Variants in TRMT9B observed in about 807,000 individuals in gnomAD.
TRMT9B encodes the protein tRNA methyltransferase 9B (putative).
In TRMT9B, 16 loss-of-function variants were observed where a neutral mutation model predicts 11.5. The ratio of observed to expected loss-of-function variants is 1.39; its 90% CI spans 0.94 to 2.11. The LOEUF (loss-of-function observed/expected upper bound fraction) is 2.11. TRMT9B is among the 30% of genes most tolerant of loss of function. TRMT9B has a pLI of 0.00. For missense variants in TRMT9B, 941 were observed against 553.8 expected (o/e 1.70, Z -7.02); for synonymous variants, 274 against 192.4 (o/e 1.42, Z -3.51).
intron 1 of TRMT9B, among the ~76,000 whole-genome samples, chr8:12,989,258 T>C (rs992179377): frequency 6.6e-6 from 1 of 152,200 alleles, no homozygotes; most frequent in Non-Finnish European, 1.5e-5. Context: ...CTTTCAATAC[T>C]AAATATGACT....
In TRMT9B at chr8:13,012,870, G is replaced by T. The variant is rs1481948293; in HGVS notation, c.328+13G>T. ...ATCTCCATAGGAGGTAAGGCAGCCA[G>T]ATCACACATTCACCCTTTGCCATGA... On this transcript the variant is annotated intron_variant, in intron 4 of 4. Coordinates refer to ENST00000524591, the MANE Select transcript of TRMT9B (RefSeq NM_020844.3). The T allele has an allele frequency of 1.9e-6, 3 of 1,612,292 alleles. No homozygotes were observed. Among genetic ancestry groups the T allele is most frequent in the Non-Finnish European group, 2.5e-6 (3 of 1,179,256 alleles).
intron 3 of TRMT9B, among the ~76,000 whole-genome samples, chr8:13,008,597 C>T (rs1244632728): frequency 1.3e-5 from 2 of 152,168 alleles, no homozygotes; most frequent in Non-Finnish European, 2.9e-5. Flanking sequence ...ACTATATTGA[C>T]AGATAACTTT....
rs1327591192 is a variant in TRMT9B at position 13,021,094 on chromosome 8, A to T, written c.415A>T (p.Ile139Phe). 2 of 1,610,122 alleles carry T rather than the reference A, an allele frequency of 1.2e-6. No individual in the cohort carries two copies. Among genetic ancestry groups the T allele is most frequent in the Non-Finnish European group, 1.7e-6 (2 of 1,177,802 alleles). Residue 139 changes from isoleucine (I) to phenylalanine (F), a missense_variant, in exon 5 of 5, where the codon ATT becomes TTT. By Grantham distance (21) the Ile-to-Phe change is conservative. Coordinates refer to ENST00000524591, the MANE Select transcript of TRMT9B (RefSeq NM_020844.3). ...CTTAGTTCCCGGAGGCCAACTGATG[A>T]TTTACGTTTGGGCAATGGAACAAAA... ...RVLVPGGQLM[I>F]YVWAMEQKNR... is the part of the protein sequence containing the mutation.
chr8:13,002,687 G>A (rs538056351), intron 2 of TRMT9B, among the ~76,000 whole-genome samples: 2 of 152,262 alleles, frequency 1.3e-5, no homozygotes, highest in Admixed American at 6.5e-5. Context: ...TCATCATTCG[G>A]TGATACTTGT....
intron 1 of TRMT9B, chr8:12,951,536 C>T (rs762202995): frequency 2.0e-5 from 3 of 152,172 alleles, no homozygotes; most frequent in Admixed American, 1.3e-4. Context: ...GGCCCAGCCT[C>T]ACTTCCCGGG....
At chr8:12,961,348 A>G (rs1223739145) in intron 1 of TRMT9B, among the ~76,000 whole-genome samples, 1 of 152,168 alleles carries the variant, frequency 6.6e-6, no homozygotes, top group East Asian at 1.9e-4. Flanking sequence ...ATTTAAAAAA[A>G]TCATATTTTT....
chr8:12,957,895 C>T (rs577510494), intron 1 of TRMT9B, among the ~76,000 whole-genome samples: 7 of 152,254 alleles, frequency 4.6e-5, no homozygotes, highest in African/African-American at 7.2e-5. Flanking sequence ...ATCTCCAGAA[C>T]GTTTTTATCT....
chr8:12,955,951 G>A (rs567057276), intron 1 of TRMT9B, among the ~76,000 whole-genome samples: 1 of 152,264 alleles, frequency 6.6e-6, no homozygotes, highest in Non-Finnish European at 1.5e-5. Flanking sequence ...TGCACCTTTT[G>A]GGCTGTGTTC....
chr8:12,980,927 C>T (rs899381411), intron 1 of TRMT9B, among the ~76,000 whole-genome samples: 10 of 152,112 alleles, frequency 6.6e-5, no homozygotes, highest in African/African-American at 2.4e-4. Flanking sequence ...TATGCGAATT[C>T]TTTTTTGTTT....
chr8:13,019,294 A>G (rs1813371451), intron 4 of TRMT9B, among the ~76,000 whole-genome samples: 1 of 152,168 alleles, frequency 6.6e-6, no homozygotes, highest in South Asian at 2.1e-4. Flanking sequence ...GTGTGTATAT[A>G]TAGATACATA....
intron 1 of TRMT9B, among the ~76,000 whole-genome samples, chr8:12,946,935 G>C (rs74410306): frequency 1.3e-5 from 2 of 152,162 alleles, no homozygotes; most frequent in African/African-American, 4.8e-5. Flanking sequence ...CAGTTCCTTG[G>C]ATAAAGGCAG....
At chr8:13,001,775 G>A (rs1181308793) in intron 2 of TRMT9B, among the ~76,000 whole-genome samples, 2 of 152,074 alleles carry the variant, frequency 1.3e-5, no homozygotes, top group South Asian at 2.1e-4. Context: ...CTCAAAGGAG[G>A]GACACAATGT....
At chr8:12,973,796 A>T (rs1223105444) in intron 1 of TRMT9B, among the ~76,000 whole-genome samples, 2 of 152,188 alleles carry the variant, frequency 1.3e-5, no homozygotes, top group African/African-American at 4.8e-5. Context: ...ACACTTCATG[A>T]ATGAGAACAG....
In TRMT9B at chr8:13,021,163, A is replaced by T. The variant is rs551560712; in HGVS notation, c.484A>T (p.Arg162Trp). 9 of 1,613,982 alleles carry T rather than the reference A, an allele frequency of 5.6e-6. No individual in the cohort carries two copies. The highest frequency in any genetic ancestry group is 7.6e-6 in the Non-Finnish European group (9 of 1,179,850). ...GCAAGACGTGCTTGTTCCATGGAAC[A>T]GGGCTCTGTGTTCCCAGCTCTTCTC... ...EKQDVLVPWN[R>W]ALCSQLFSES... Residue 162 changes from arginine (R) to tryptophan (W), a missense_variant, in exon 5 of 5, where the codon AGG (arginine) becomes TGG (tryptophan). Coordinates refer to ENST00000524591, the MANE Select transcript of TRMT9B (RefSeq NM_020844.3).
chr8:13,022,835 T>C lies in TRMT9B; in HGVS notation c.*791T>C, dbSNP rs1285260971. ...AGCAAGACCCCATCTCTATAAAAAT[T>C]AGCAAGATGTGGTGGTGCATGCCTG... On this transcript the variant is annotated 3_prime_UTR_variant, in exon 5 of 5. Transcript: ENST00000524591. 1 of 165,212 alleles carries C rather than the reference T, an allele frequency of 6.1e-6. No individual in the cohort carries two copies. Among genetic ancestry groups the C allele is most frequent in the Non-Finnish European group, 1.5e-5 (1 of 68,034 alleles). The allele number at this position is 165,212 out of a possible 1,614,324, so 10.2% of individuals were successfully genotyped here.
intron 1 of TRMT9B, among the ~76,000 whole-genome samples, chr8:12,972,700 G>A (rs889086631): frequency 2.0e-5 from 3 of 152,240 alleles, no homozygotes; most frequent in Non-Finnish European, 4.4e-5. Context: ...GAGAGACAAT[G>A]GCTTGATAAC....
In TRMT9B at chr8:13,021,203, C is replaced by G. The variant is rs775444404; in HGVS notation, c.524C>G (p.Ser175Cys). Residue 175 changes from serine (S) to cysteine (C), a missense_variant, in exon 5 of 5, where the codon TCT (serine) becomes TGT (cysteine). Ser to Cys is a moderately radical substitution (Grantham distance 112, BLOSUM62 -1). Transcript: ENST00000524591. ...CSQLFSESSQ[S>C]GRKRQCGYPE... is the part of the protein sequence containing the mutation. ...CAGCTCTTCTCAGAGTCCAGCCAGT[C>G]TGGGAGGAAGAGGCAGTGTGGATAC... 2 of 1,613,798 alleles carry G rather than the reference C, an allele frequency of 1.2e-6. No individual in the cohort carries two copies. The highest frequency in any genetic ancestry group is 2.2e-5 in the South Asian group (2 of 91,042).
chr8:13,011,106 C>A, intron 3 of TRMT9B: 1 of 342,142 alleles, frequency 2.9e-6, no homozygotes, highest in African/African-American at 2.2e-5. Context: ...TCTGCCTCAG[C>A]CTCCTGAGTA....
chr8:12,950,564 T>TCTTTC (rs1554505540), intron 1 of TRMT9B, among the ~76,000 whole-genome samples: 5 of 151,956 alleles, frequency 3.3e-5, no homozygotes, highest in African/African-American at 1.2e-4. Context: ...TTTCTTTCTT[T>TCTTTC]TTGAATGTGA....
Sources: gnomAD v4.1 joint callset for allele counts (sites outside exome capture counted in the v4.1 genomes callset) on GRCh38, gnomAD v4.1.1 for gene constraint, MANE v1.5 for transcripts, NCBI Gene and HGNC (gene_info 2026-07-23, HGNC 2026-07-21) for gene names.